ERI1: variants seen among roughly 807,000 people sequenced by gnomAD.
The protein encoded by ERI1 is 3'-5' exoribonuclease 1.
Under a neutral mutation model 39.7 loss-of-function variants are expected in ERI1, and 39 were observed. That is an observed-to-expected ratio of 0.98 (90% confidence interval 0.76 to 1.28). The LOEUF is 1.28. Ranked by LOEUF, ERI1 falls within the 50% of genes most tolerant of loss-of-function variation. ERI1 has a pLI of 0.00. For missense variants in ERI1, 581 were observed against 416.9 expected (o/e 1.39, Z -3.43); for synonymous variants, 204 against 149.6 (o/e 1.36, Z -2.65).
chr8:9,027,719 G>A (rs1047606833), intron 6 of ERI1, among the ~76,000 whole-genome samples: 5 of 152,150 alleles, frequency 3.3e-5, no homozygotes, highest in African/African-American at 7.2e-5. Context: ...TCCCAACACC[G>A]TTTGTTGAAA....
intron 3 of ERI1, among the ~76,000 whole-genome samples, chr8:9,087,160 C>G (rs1198320373): frequency 6.6e-6 from 1 of 151,990 alleles, no homozygotes; most frequent in Non-Finnish European, 1.5e-5. Flanking sequence ...TTTTAAGCCC[C>G]ACATGCATCA....
chr8:9,044,488 GCAAATTGC>G (rs1798117914), intron 3 of ERI1, among the ~76,000 whole-genome samples: 1 of 152,100 alleles, frequency 6.6e-6, no homozygotes, highest in Non-Finnish European at 1.5e-5. Flanking sequence ...GGTCTAGTTA[GCAAATTGC>G]CAACTACCCA....
chr8:9,061,777 G>C (rs892538986), intron 3 of ERI1, among the ~76,000 whole-genome samples: 1 of 151,562 alleles, frequency 6.6e-6, no homozygotes, highest in Non-Finnish European at 1.5e-5. Flanking sequence ...ATTTGGGCTT[G>C]ACTGAAGTAA....
chr8:9,035,380 T>C (rs1359796384), downstream of ERI1, among the ~76,000 whole-genome samples: 1 of 152,212 alleles, frequency 6.6e-6, no homozygotes, highest in Admixed American at 6.5e-5. Flanking sequence ...TAAGGGCTAA[T>C]GTAGCTGGTT....
At chr8:9,053,334 C>T (rs1259828476) in intron 3 of ERI1, among the ~76,000 whole-genome samples, 1 of 152,138 alleles carries the variant, frequency 6.6e-6, no homozygotes, top group African/African-American at 2.4e-5. Flanking sequence ...AATGATTTAG[C>T]TGATCATGCC....
At chr8:9,090,942 T>C (rs1417702968) in intron 3 of ERI1, among the ~76,000 whole-genome samples, 1 of 152,206 alleles carries the variant, frequency 6.6e-6, no homozygotes, top group Non-Finnish European at 1.5e-5. Context: ...TAGTGTGTAA[T>C]ATTACTTTCT....
At chr8:9,015,668 G>A (rs138749784) in intron 3 of ERI1, among the ~76,000 whole-genome samples, 2 of 135,966 alleles carry the variant, frequency 1.5e-5, no homozygotes, top group Non-Finnish European at 3.1e-5. Flanking sequence ...CTTGCAGTGA[G>A]CCGAGATTGT....
Position 9,031,275 on chromosome 8 carries a change from C to G in ERI1, c.*1241C>G, listed in dbSNP as rs1797569898. 1 of 152,054 alleles carries G rather than the reference C, an allele frequency of 6.6e-6. No individual in the cohort carries two copies. Among genetic ancestry groups the G allele is most frequent in the African/African-American group, 2.4e-5 (1 of 41,402 alleles). The allele number at this position is 152,054 out of a possible 1,614,324, so 9.4% of individuals were successfully genotyped here. ...AACCTATATCATATAGGGTGAAAAGCAGGAAAGTAGACATTTTTCTTGGCG... is the reference window on the plus strand; with the variant it reads ...AACCTATATCATATAGGGTGAAAAGGAGGAAAGTAGACATTTTTCTTGGCG... On this transcript the variant is annotated 3_prime_UTR_variant, in exon 7 of 7. Transcript: ENST00000250263.
intron 2 of ERI1, chr8:9,008,989 G>A (rs1318437356): frequency 1.3e-5 from 6 of 456,060 alleles, no homozygotes; most frequent in Admixed American, 7.1e-5. Flanking sequence ...AATGTATGAA[G>A]AAATTTTTGA....
intron 3 of ERI1, among the ~76,000 whole-genome samples, chr8:9,063,353 C>T (rs567238056): frequency 6.6e-6 from 1 of 152,196 alleles, no homozygotes; most frequent in South Asian, 2.1e-4. Context: ...TTGACTATGC[C>T]TTTAGCTCCA....
intron 3 of ERI1, among the ~76,000 whole-genome samples, chr8:9,078,739 T>C (rs1799283956): frequency 6.6e-6 from 1 of 152,160 alleles, no homozygotes. Flanking sequence ...TCCAGCAGAC[T>C]TTGTTACAAC....
At chr8:9,028,980 T>TC (rs1797390745) in intron 6 of ERI1, among the ~76,000 whole-genome samples, 1 of 149,930 alleles carries the variant, frequency 6.7e-6, no homozygotes, top group South Asian at 2.1e-4. Flanking sequence ...AGAGTTTTTT[T>TC]TTTTTTTTTT....
chr8:9,004,191 C>T, intron 1 of ERI1: 1 of 1,286,292 alleles, frequency 7.8e-7, no homozygotes, highest in Non-Finnish European at 1.0e-6. Flanking sequence ...CTTTCTCCTT[C>T]TAAGGTTGTT....
At chr8:9,071,408 A>G (rs558346276) in intron 3 of ERI1, among the ~76,000 whole-genome samples, 14 of 152,378 alleles carry the variant, frequency 9.2e-5, no homozygotes, top group African/African-American at 1.9e-4. Flanking sequence ...GTGGAATTCA[A>G]TATAATTAAA....
At chr8:9,037,756 A>G (rs1563348141), downstream of ERI1, among the ~76,000 whole-genome samples, 1 of 152,172 alleles carries the variant, frequency 6.6e-6, no homozygotes, top group African/African-American at 2.4e-5. Context: ...TGCACCATAA[A>G]TAAATTTTTA....
At chr8:9,052,457 C>T (rs572387822) in intron 3 of ERI1, among the ~76,000 whole-genome samples, 2 of 152,318 alleles carry the variant, frequency 1.3e-5, no homozygotes, top group Admixed American at 1.3e-4. Flanking sequence ...GCCTAGAGCA[C>T]TGAGTCTCTG....
intron 3 of ERI1, among the ~76,000 whole-genome samples, chr8:9,052,734 G>C (rs1186322489): frequency 1.3e-5 from 2 of 152,174 alleles, no homozygotes; most frequent in African/African-American, 4.8e-5. Context: ...CTTTATCCCT[G>C]ACTCCTGGCA....
chr8:9,029,586 C>G (rs749730815), intron 6 of ERI1, among the ~76,000 whole-genome samples: 1 of 152,214 alleles, frequency 6.6e-6, no homozygotes, highest in Non-Finnish European at 1.5e-5. Context: ...CCACCTTGGC[C>G]TCCCAAAGTG....
chr8:9,071,883 T>C (rs536515498), intron 3 of ERI1, among the ~76,000 whole-genome samples: 2 of 152,288 alleles, frequency 1.3e-5, no homozygotes, highest in Admixed American at 6.5e-5. Flanking sequence ...TTGAGCAACA[T>C]AGTGAGACCT....
Sources: allele counts gnomAD v4.1 joint callset (sites outside exome capture counted in the v4.1 genomes callset), GRCh38; gene constraint gnomAD v4.1.1; transcripts MANE v1.5; gene names NCBI Gene and HGNC (gene_info 2026-07-23, HGNC 2026-07-21).